The following ARMC6 variants were observed in gnomAD, a reference collection of about 807,000 sequenced individuals.
ARMC6 encodes armadillo repeat containing 6.
In ARMC6, 43 loss-of-function variants were observed where a neutral mutation model predicts 49.2. That is an observed-to-expected ratio of 0.87 (90% CI 0.69 to 1.13). The LOEUF (loss-of-function observed/expected upper bound fraction) is 1.13, where lower values mean the gene tolerates loss of function less well. Among genes scored for constraint, ARMC6 ranks in the 50% most tolerant of loss-of-function variants. ARMC6 has a pLI of 0.00. For synonymous variants in ARMC6, 262 were observed against 289.6 expected (o/e 0.90, Z 0.97); for missense variants, 627 against 682.0 (o/e 0.92, Z 0.90).
Position 19,039,325 on chromosome 19 carries a change from C to T in ARMC6, c.30-3386C>T, listed in dbSNP as rs190566231. The T allele has an allele frequency of 8.5e-5, 38 of 449,694 alleles. No individual in the cohort carries two copies. The East Asian group carries it at 2.1e-3, about 25-fold the overall frequency. 27.9% of individuals were successfully genotyped at this position (449,694 alleles called of 1,614,324 possible). A position where few individuals can be genotyped will look rare whatever the true frequency, so the allele number is the denominator to read the frequency against. ...ATATTTTTAAATTTTTTTGTAGAGACGGGGCCTTACTATGTTGTCCTTGCT... is the reference window on the plus strand; with the variant it reads ...ATATTTTTAAATTTTTTTGTAGAGATGGGGCCTTACTATGTTGTCCTTGCT... On this transcript the variant is annotated intron_variant, in intron 2 of 8. Transcript: ENST00000535612.
chr19:19,042,958 T>TG, intron 3 of ARMC6, 81 bp downstream of exon 3: 10 of 1,546,260 alleles, frequency 6.5e-6, no homozygotes, highest in Non-Finnish European at 7.9e-6. Context: ...CCCGCCCCAC[T>TG]GGGGGTGCCA....
At chr19:19,042,103 T>C (rs1422124833) in intron 2 of ARMC6, among the ~76,000 whole-genome samples, 5 of 151,824 alleles carry the variant, frequency 3.3e-5, no homozygotes, top group Non-Finnish European at 5.9e-5. Context: ...TGCCATGTTG[T>C]CCAGGCTGGT....
At position 19,033,855 on chromosome 19, in the gene ARMC6, G is replaced by A. The variant is rs1344153193; in HGVS notation, c.-155G>A. ...CCACAGCGCCTGCGCGCGTACGGCG[G>A]CCGGAAGGGGCTAGAGGCGGCTCCC... On this transcript the variant is annotated 5_prime_UTR_variant, in exon 1 of 9. Coordinates refer to ENST00000535612, the MANE Select transcript of ARMC6 (RefSeq NM_001199196.2). The A allele has an allele frequency of 1.4e-5, 4 of 278,788 alleles. No homozygotes were observed. Among genetic ancestry groups the A allele is most frequent in the African/African-American group, 2.2e-5 (1 of 44,778 alleles). The allele number at this position is 278,788 out of a possible 1,614,324, so 17.3% of individuals were successfully genotyped here.
chr19:19,045,503 T>TTTTTTTTTTTTTTTTTTTTTTTTTTTTTC (rs1179872355), intron 4 of ARMC6, among the ~76,000 whole-genome samples: 1 of 141,118 alleles, frequency 7.1e-6, no homozygotes, highest in African/African-American at 2.8e-5. Flanking sequence ...CTTTTTTTTT[T>TTTTTTTTTTTTTTTTTTTTTTTTTTTTTC]TGAGACAAGA....
At chr19:19,042,269 A>G (rs2059416795) in intron 2 of ARMC6, among the ~76,000 whole-genome samples, 1 of 152,232 alleles carries the variant, frequency 6.6e-6, no homozygotes, top group Non-Finnish European at 1.5e-5. Context: ...TAATAGTTTC[A>G]GAATAACATT....
chr19:19,044,380 G>C (rs1227366427), intron 4 of ARMC6, among the ~76,000 whole-genome samples: 3 of 152,224 alleles, frequency 2.0e-5, no homozygotes, highest in Non-Finnish European at 4.4e-5. Flanking sequence ...GCTTCCCAGA[G>C]ACAGATGGTC....
At chr19:19,045,761 C>T (rs1209483163) in intron 4 of ARMC6, among the ~76,000 whole-genome samples, 1 of 151,846 alleles carries the variant, frequency 6.6e-6, no homozygotes, top group Non-Finnish European at 1.5e-5. Flanking sequence ...ACGCCATTCT[C>T]CTGCCTCAGC....
At chr19:19,034,316 C>A in intron 2 of ARMC6, 78 bp downstream of exon 2, 2 of 1,523,564 alleles carry the variant, frequency 1.3e-6, no homozygotes, top group South Asian at 1.2e-5. Flanking sequence ...GTTTTGAAGG[C>A]TGTCTCTTGA....
At chr19:19,045,825 G>A (rs1183145140) in intron 4 of ARMC6, among the ~76,000 whole-genome samples, 1 of 151,898 alleles carries the variant, frequency 6.6e-6, no homozygotes, top group Non-Finnish European at 1.5e-5. Flanking sequence ...CTAATTTTTT[G>A]TATTTTTAGT....
intron 2 of ARMC6, among the ~76,000 whole-genome samples, chr19:19,037,077 T>C (rs952252724): frequency 1.3e-5 from 2 of 152,160 alleles, no homozygotes; most frequent in African/African-American, 4.8e-5. Flanking sequence ...TCTCAGCTAC[T>C]TGGAGGCTGA....
chr19:19,046,100 G>C lies in ARMC6; in HGVS notation c.279+2026G>C, dbSNP rs182197700. 6.6e-5 allele frequency among the ~76,000 whole-genome samples: 10 copies of C among 152,330 alleles called. 1 individual carries two copies. Among genetic ancestry groups the C allele is most frequent in the African/African-American group, 2.2e-4 (9 of 41,582 alleles). On this transcript the variant is annotated intron_variant, in intron 4 of 8. Coordinates refer to ENST00000535612, the MANE Select transcript of ARMC6 (RefSeq NM_001199196.2). ...GAGGCAGAGCTGGTACCCGGATCCA[G>C]GAAGCAAAGCACTGAAAGGCCGTTC... is the stretch of plus-strand genomic sequence containing the variant.
At chr19:19,044,768 A>G (rs1033253531) in intron 4 of ARMC6, among the ~76,000 whole-genome samples, 2 of 152,210 alleles carry the variant, frequency 1.3e-5, no homozygotes, top group Non-Finnish European at 2.9e-5. Flanking sequence ...AGATGGGGAC[A>G]TTGAGATCCA....
At chr19:19,049,089 G>T (rs926382298) in intron 4 of ARMC6, among the ~76,000 whole-genome samples, 22 of 148,968 alleles carry the variant, frequency 1.5e-4, no homozygotes, top group African/African-American at 4.5e-4. Flanking sequence ...TTGAGACAGG[G>T]TCTCCCCAGC....
At chr19:19,048,246 T>C (rs1278300025) in intron 4 of ARMC6, among the ~76,000 whole-genome samples, 1 of 152,128 alleles carries the variant, frequency 6.6e-6, no homozygotes, top group East Asian at 1.9e-4. Flanking sequence ...CTCAGGAGGC[T>C]GAGGTAGGAG....
At chr19:19,045,525 TTGC>T (rs2145859252) in intron 4 of ARMC6, among the ~76,000 whole-genome samples, 1 of 87,228 alleles carries the variant, frequency 1.1e-5, no homozygotes, top group East Asian at 3.8e-4. Flanking sequence ...TCTCACTCTG[TTGC>T]CCAGGCTGGA....
At chr19:19,044,845 G>A (rs1038141567) in intron 4 of ARMC6, among the ~76,000 whole-genome samples, 8 of 152,190 alleles carry the variant, frequency 5.3e-5, no homozygotes, top group African/African-American at 1.7e-4. Flanking sequence ...TGGAAGAGAC[G>A]GCTCTGGGTG....
At chr19:19,046,435 G>A (rs1366032049) in intron 4 of ARMC6, among the ~76,000 whole-genome samples, 2 of 151,964 alleles carry the variant, frequency 1.3e-5, no homozygotes, top group African/African-American at 4.8e-5. Context: ...CTGACCTTGT[G>A]ATCCGCCTGC....
chr19:19,050,287 A>G (rs563977821), intron 4 of ARMC6, among the ~76,000 whole-genome samples: 9 of 152,324 alleles, frequency 5.9e-5, no homozygotes, highest in Non-Finnish European at 1.0e-4. Flanking sequence ...TCATGCTGCT[A>G]TGAACATGGG....
At position 19,045,493 on chromosome 19, in the gene ARMC6, C is replaced by CTT. The variant is rs11270900; in HGVS notation, c.279+1429_279+1430dup. ...TAAGTGCTCAGCATTATGCTAAATT[C>CTT]TTTTTTTTTTTGAGACAAGAGTCTC... On this transcript the variant is annotated intron_variant, in intron 4 of 8. Coordinates refer to ENST00000535612, the MANE Select transcript of ARMC6 (RefSeq NM_001199196.2). Among the ~76,000 whole-genome samples the CTT allele has an allele frequency of 2.2e-5, 2 of 89,118 alleles. 1 individual carries two copies. Among genetic ancestry groups the CTT allele is most frequent in the East Asian group, 7.6e-4 (2 of 2,628 alleles). 58.5% of individuals were successfully genotyped at this position (89,118 alleles called of 152,430 possible).
Sources: gnomAD v4.1 joint callset for allele counts (sites outside exome capture counted in the v4.1 genomes callset) on GRCh38, gnomAD v4.1.1 for gene constraint, MANE v1.5 for transcripts, NCBI Gene and HGNC (gene_info 2026-07-23, HGNC 2026-07-21) for gene names.